ASAP1: variants seen among roughly 807,000 people sequenced by gnomAD.
The protein encoded by ASAP1 is ArfGAP with SH3 domain, ankyrin repeat and PH domain 1, also known as arf-GAP with SH3 domain, ANK repeat and PH domain-containing protein 1.
ASAP1 carries 43 observed loss-of-function variants against 145.2 expected under a neutral mutation model. The ratio of observed to expected loss-of-function variants is 0.30; its 90% CI spans 0.23 to 0.38. The LOEUF is 0.38. ASAP1 is among the 10% of genes least tolerant of loss of function. The pLI is 1.00. For synonymous variants in ASAP1, 546 were observed against 515.5 expected, an observed-to-expected ratio of 1.06 and a Z score of -0.80; for missense variants, 1,018 against 1,355.3, an observed-to-expected ratio of 0.75 and a Z score of 3.91.
chr8:130,390,552 T>C (rs1828230499), intron 2 of ASAP1, among the ~76,000 whole-genome samples: 2 of 152,244 alleles, frequency 1.3e-5, no homozygotes, highest in Non-Finnish European at 2.9e-5. Context: ...CTATTTCCCC[T>C]GACATACTCT....
intron 9 of ASAP1, 149 bp downstream of exon 9, chr8:130,179,115 C>G (rs774890852): frequency 1.9e-6 from 1 of 522,970 alleles, no homozygotes; most frequent in Non-Finnish European, 3.4e-6. Context: ...ATGGAAGACA[C>G]TATTTCTTAT....
intron 2 of ASAP1, among the ~76,000 whole-genome samples, chr8:130,396,068 A>T (rs953273974): frequency 6.6e-6 from 1 of 152,160 alleles, no homozygotes; most frequent in African/African-American, 2.4e-5. Context: ...TCAAAGCAGA[A>T]GCTGTTTTTG....
intron 3 of ASAP1, among the ~76,000 whole-genome samples, chr8:130,348,698 C>T (rs1825830910): frequency 6.6e-6 from 1 of 152,196 alleles, no homozygotes; most frequent in African/African-American, 2.4e-5. Flanking sequence ...AAGGAGAGAT[C>T]TCTTTTGCTT....
At chr8:130,123,889 A>C in intron 18 of ASAP1, 124 bp downstream of exon 18, 1 of 659,494 alleles carries the variant, frequency 1.5e-6, no homozygotes, top group South Asian at 1.9e-5. Context: ...CAGCCTCCCA[A>C]AGTGCTGGGA....
intron 2 of ASAP1, among the ~76,000 whole-genome samples, chr8:130,371,477 A>G (rs1357059443): frequency 6.6e-6 from 1 of 152,210 alleles, no homozygotes; most frequent in Admixed American, 6.5e-5. Flanking sequence ...GTGTTTAGCT[A>G]AAAGACTCAT....
rs552480291 is a variant in ASAP1, at chr8:130,142,846, T to A, written c.1081-5808A>T. The stretch of plus-strand genomic sequence containing the variant: ...TGGCAATCTACTGGAGAAAGCAGAG[T>A]GGCCAGTTAGATCTCTATTTCACGG... On this transcript the variant is annotated intron_variant, in intron 13 of 29. Transcript: ENST00000518721. Among the ~76,000 whole-genome samples, 18 of 150,228 alleles carry A rather than the reference T, an allele frequency of 1.2e-4. No homozygotes were observed. In the East Asian group the frequency reaches 3.4e-3, roughly 28 times the overall value.
In ASAP1 at chr8:130,358,189, G is replaced by A; in HGVS notation, c.60-46C>T. On this transcript the variant is annotated intron_variant, in intron 2 of 29. Transcript: ENST00000518721. The surrounding 1 kb of genome is among the most constrained non-coding windows in gnomAD (Gnocchi z 4.1). ...CAAGCGGGGGCGGGGGGTGAGTCAC[G>A]GCGCAGGCTCCCGGGGCCGCGGGCC... 3.2e-6 allele frequency: 5 copies of A among 1,549,462 alleles called. No individual in the cohort carries two copies. Among genetic ancestry groups the A allele is most frequent in the Non-Finnish European group, 4.4e-6 (5 of 1,147,894 alleles).
chr8:130,351,084 A>G (rs1055530634), intron 3 of ASAP1, among the ~76,000 whole-genome samples: 2 of 152,246 alleles, frequency 1.3e-5, no homozygotes, highest in African/African-American at 4.8e-5. Context: ...AGAGAAAAGC[A>G]ACTATCTTTT....
At chr8:130,139,775 AAG>A (rs1357902238) in intron 13 of ASAP1, among the ~76,000 whole-genome samples, 3 of 151,938 alleles carry the variant, frequency 2.0e-5, no homozygotes, top group African/African-American at 7.2e-5. Flanking sequence ...AAAAAAGAAA[AAG>A]AAAAATTTAG....
intron 2 of ASAP1, among the ~76,000 whole-genome samples, chr8:130,388,802 G>A (rs1423268230): frequency 6.6e-6 from 1 of 152,178 alleles, no homozygotes. Flanking sequence ...GGGCTTGGGG[G>A]AGGGGATGAA....
chr8:130,147,541 A>C (rs1586440534), intron 13 of ASAP1, among the ~76,000 whole-genome samples: 2 of 152,222 alleles, frequency 1.3e-5, no homozygotes, highest in East Asian at 3.8e-4. Context: ...TATTAAGTTT[A>C]AGGAACACTT....
At chr8:130,373,849 G>GAAAAAAAAAAA (rs1170269915) in intron 2 of ASAP1, among the ~76,000 whole-genome samples, 1 of 50,888 alleles carries the variant, frequency 2.0e-5, no homozygotes, top group African/African-American at 6.2e-5. Context: ...GGAGTCTCCA[G>GAAAAAAAAAAA]AAAAAAAAAA....
At chr8:130,322,935 C>T (rs567986883) in intron 3 of ASAP1, among the ~76,000 whole-genome samples, 1 of 152,174 alleles carries the variant, frequency 6.6e-6, no homozygotes, top group Non-Finnish European at 1.5e-5. Context: ...AACTTTCTAA[C>T]AAAACACCCA....
intron 3 of ASAP1, among the ~76,000 whole-genome samples, chr8:130,237,281 C>T (rs1289367111): frequency 3.3e-5 from 5 of 152,058 alleles, no homozygotes; most frequent in Admixed American, 1.3e-4. Context: ...GTACAAGACA[C>T]TGAAGAAATC....
rs367719682 is a variant in ASAP1 at position 130,373,111 on chromosome 8, T to TACACACAC, written c.60-14976_60-14969dup. On this transcript the variant is annotated intron_variant, in intron 2 of 29. Coordinates refer to ENST00000518721, the MANE Select transcript of ASAP1 (RefSeq NM_018482.4). ...CCCCCCACACACACAGAAATACATATACACACACACACACACACACACACA... is the reference window on the plus strand; with the variant it reads ...CCCCCCACACACACAGAAATACATATACACACACACACACACACACACACACACACACA... Among the ~76,000 whole-genome samples, 5 of 94,110 alleles carry TACACACAC rather than the reference T, an allele frequency of 5.3e-5. No homozygotes were observed. In the East Asian group the frequency reaches 1.0e-3, roughly 20 times the overall value. 61.7% of individuals were successfully genotyped at this position (94,110 alleles called of 152,430 possible). A position where few individuals can be genotyped will look rare whatever the true frequency, so the allele number is the denominator to read the frequency against.
chr8:130,261,767 G>C (rs753204306), intron 3 of ASAP1, among the ~76,000 whole-genome samples: 1 of 152,060 alleles, frequency 6.6e-6, no homozygotes, highest in Admixed American at 6.6e-5. Flanking sequence ...CTGTGTGGAG[G>C]GGGGCAAGGG....
chr8:130,435,108 C>T (rs1830266314), intron 1 of ASAP1, among the ~76,000 whole-genome samples: 2 of 152,136 alleles, frequency 1.3e-5, no homozygotes, highest in East Asian at 1.9e-4. Context: ...TACTCATTAT[C>T]GCGCTGTAAC....
intron 1 of ASAP1, among the ~76,000 whole-genome samples, chr8:130,406,659 T>C (rs1829044718): frequency 6.6e-6 from 1 of 151,994 alleles, no homozygotes; most frequent in Non-Finnish European, 1.5e-5. Context: ...TTTTTTGTAT[T>C]TTTAGTAGTG....
chr8:130,114,029 G>A (rs753900287), intron 23 of ASAP1, among the ~76,000 whole-genome samples: 2 of 152,084 alleles, frequency 1.3e-5, no homozygotes, highest in Admixed American at 6.5e-5. Context: ...GCATCCACCC[G>A]TCTCACCCTC....
Sources: allele counts gnomAD v4.1 joint callset (sites outside exome capture counted in the v4.1 genomes callset), GRCh38; gene constraint gnomAD v4.1.1; non-coding constraint Gnocchi (gnomAD v3.1); transcripts MANE v1.5; gene names NCBI Gene and HGNC (gene_info 2026-07-23, HGNC 2026-07-21).